Variants in FAM83H observed in about 807,000 individuals in gnomAD.
FAM83H encodes protein FAM83H.
Under a neutral mutation model 30.2 loss-of-function variants are expected in FAM83H, and 24 were observed. The ratio of observed to expected loss-of-function variants is 0.79; its 90% CI spans 0.57 to 1.12. FAM83H has a LOEUF of 1.12. FAM83H is among the 50% of genes most tolerant of loss of function. The pLI is 0.00. For missense variants in FAM83H, 2,038 were observed against 1,773.9 expected, an observed-to-expected ratio of 1.15 and a Z score of -2.67; for synonymous variants, 1,013 against 821.7, an observed-to-expected ratio of 1.23 and a Z score of -3.98.
intron 1 of FAM83H, chr8:143,731,375 C>G (rs1818515784): frequency 1.0e-6 from 1 of 985,228 alleles, no homozygotes; most frequent in African/African-American, 1.7e-5. Flanking sequence ...GACACCACGC[C>G]TAGCCCAAGG....
chr8:143,726,722 A>G lies in FAM83H; in HGVS notation c.2739T>C (p.Gly913=), dbSNP rs537326894. The G allele has an allele frequency of 2.5e-6, 4 of 1,607,858 alleles. No homozygotes were observed. Among genetic ancestry groups the G allele is most frequent in the East Asian group, 4.5e-5 (2 of 44,754 alleles). The change falls in exon 5 of 5, where the codon GGT becomes GGC. Residue 913 remains glycine, a synonymous_variant. Coordinates refer to ENST00000388913, the MANE Select transcript of FAM83H (RefSeq NM_198488.5). ...SPTSAYPERR[G]SPVPPVPERR... Reference sequence around the variant, plus strand: ...GCTCCGGCACGGGGGGCACCGGACTACCCCTGCGCTCGGGGTAGGCTGAGG... The same window carrying G: ...GCTCCGGCACGGGGGGCACCGGACTGCCCCTGCGCTCGGGGTAGGCTGAGG...
chr8:143,726,260 G>C lies in FAM83H; in HGVS notation c.3201C>G (p.Asn1067Lys). 1.2e-6 allele frequency: 2 copies of C among 1,612,296 alleles called. No homozygotes were observed. Among genetic ancestry groups the C allele is most frequent in the South Asian group, 1.1e-5 (1 of 91,038 alleles). The change falls in exon 5 of 5, where the codon AAC (asparagine) becomes AAG (lysine). Residue 1067 changes from asparagine (N) to lysine (K), a missense_variant. Physicochemically the swap from Asn to Lys is moderately conservative, Grantham distance 94. Coordinates refer to ENST00000388913, the MANE Select transcript of FAM83H (RefSeq NM_198488.5). ...VPAPSPGPTH[N>K]SPELGRPPAA... ...CCGGTGGACGGCCTAGCTCGGGGCT[G>C]TTGTGGGTCGGGCCGGGGCTCGGGG... is the stretch of plus-strand genomic sequence containing the variant.
In FAM83H at chr8:143,727,334, C is replaced by T. The variant is rs1554622500; in HGVS notation, c.2127G>A (p.Leu709=). ...AAAATEKVQL[L]HKEQTVSETL... is the part of the protein sequence containing the mutation. ...TCTCGCTGACCGTCTGCTCCTTGTG[C>T]AGCAGCTGCACCTTCTCAGTGGCCG... is the stretch of plus-strand genomic sequence containing the variant. The change falls in exon 5 of 5, where the codon CTG becomes CTA. Residue 709 remains leucine (L), a synonymous_variant. Coordinates refer to ENST00000388913, the MANE Select transcript of FAM83H (RefSeq NM_198488.5). 3.8e-6 allele frequency: 6 copies of T among 1,561,152 alleles called. No individual in the cohort carries two copies. Among genetic ancestry groups the T allele is most frequent in the Middle Eastern group, 1.7e-4 (1 of 5,856 alleles).
At chr8:143,730,008 C>A in intron 2 of FAM83H, 128 bp downstream of exon 2, 1 of 859,182 alleles carries the variant, frequency 1.2e-6, no homozygotes, top group Non-Finnish European at 1.7e-6. Flanking sequence ...AAGATCTTTG[C>A]CAGGGACCCC....
rs1554622705 is a variant in FAM83H, at chr8:143,727,607, GC to G, written c.1853del (p.Gly618AlafsTer55). 4 of 1,578,372 alleles carry G rather than the reference GC, an allele frequency of 2.5e-6. No individual in the cohort carries two copies. The highest frequency in any genetic ancestry group is 1.7e-6 in the Non-Finnish European group (2 of 1,169,278). On this transcript the variant is annotated frameshift_variant, in exon 5 of 5. Transcript: ENST00000388913. LOFTEE classifies it low-confidence loss of function (END_TRUNC). ...AYEDDVLAPGGRAPAGDLLPS... is the reference protein window; with the variant it reads ...AYEDDVLAPGXRAPAGDLLPS... ...GGAGCAGGTCGCCGGCAGGTGCCCG[GC>G]CCCCGGGAGCCAGCACGTCGTCTTC...
At position 143,727,738 on chromosome 8, in the gene FAM83H, G is replaced by T; in HGVS notation, c.1723C>A (p.Arg575=). 1 of 1,516,416 alleles carries T rather than the reference G, an allele frequency of 6.6e-7. No homozygotes were observed. Among genetic ancestry groups the T allele is most frequent in the East Asian group, 2.6e-5 (1 of 37,792 alleles). The allele number at this position is 1,516,416 out of a possible 1,614,324, so 93.9% of individuals were successfully genotyped here. Residue 575 remains arginine, a synonymous_variant, in exon 5 of 5, where the codon CGG becomes AGG. Transcript: ENST00000388913. The part of the protein sequence containing the change: ...EPERRGGPEG[R]AGLRRWRLAS... ...AAACGCCAGCGCCGCAGCCCTGCCC[G>T]CCCCTCGGGCCCGCCCCTGCGCTCC...
chr8:143,732,329 T>C (rs1368258973), intron 1 of FAM83H: 1 of 985,414 alleles, frequency 1.0e-6, no homozygotes, highest in Non-Finnish European at 1.2e-6. Context: ...ACCGCTCTGG[T>C]TGTGCCAGGG....
chr8:143,731,202 CTT>C, intron 1 of FAM83H: 1 of 246,092 alleles, frequency 4.1e-6, no homozygotes. Context: ...TCACTTTTTT[CTT>C]ATTTTAAGAC....
In FAM83H at chr8:143,725,738, G is replaced by C. The variant is rs782716214; in HGVS notation, c.*183C>G. 15 of 1,043,788 alleles carry C rather than the reference G, an allele frequency of 1.4e-5. No individual in the cohort carries two copies. Among genetic ancestry groups the C allele is most frequent in the Non-Finnish European group, 1.9e-5 (14 of 734,580 alleles). 64.7% of individuals were successfully genotyped at this position (1,043,788 alleles called of 1,614,324 possible). On this transcript the variant is annotated 3_prime_UTR_variant, in exon 5 of 5. Transcript: ENST00000388913. ...AGCGTTGGGGAGGCCAGGGGGCAGA[G>C]ACGGCAGCTGCCAGGTGAGCCTCCA...
At position 143,728,229 on chromosome 8, in the gene FAM83H, C is replaced by T; in HGVS notation, c.1232G>A (p.Ser411Asn). Reference sequence around the variant, plus strand: ...GGCGCCCGCGCCCTCGGTCGCGAAGCTGTGCCGCTTGAAGGCGTCCATCTC... The same window carrying T: ...GGCGCCCGCGCCCTCGGTCGCGAAGTTGTGCCGCTTGAAGGCGTCCATCTC... ...HLEMDAFKRH[S>N]FATEGAGAVE... Residue 411 changes from serine (S) to asparagine (N), a missense_variant, in exon 5 of 5, where the codon AGC becomes AAC. By Grantham distance (46) the Ser-to-Asn change is conservative. Transcript: ENST00000388913. The T allele has an allele frequency of 6.3e-7, 1 of 1,591,334 alleles. No homozygotes were observed. The highest frequency in any genetic ancestry group is 8.5e-7 in the Non-Finnish European group (1 of 1,174,254).
intron 1 of FAM83H, chr8:143,732,410 T>C (rs1554624743): frequency 4.1e-6 from 4 of 985,260 alleles, no homozygotes; most frequent in African/African-American, 1.7e-5. Context: ...CCACTCACCA[T>C]TGCCAGCCTG....
chr8:143,728,901 A>T, intron 4 of FAM83H, 66 bp downstream of exon 4: 1 of 1,610,620 alleles, frequency 6.2e-7, no homozygotes, highest in Non-Finnish European at 8.5e-7. Flanking sequence ...CCTGGTGTGG[A>T]AAGGGGGTGC....
At chr8:143,732,185 A>G in intron 1 of FAM83H, 1 of 985,410 alleles carries the variant, frequency 1.0e-6, no homozygotes, top group Non-Finnish European at 1.2e-6. Context: ...TGGGGGTGAC[A>G]TGGAGTTGAG....
At position 143,733,766 on chromosome 8, in the gene FAM83H, G is replaced by A. The variant is rs1336710923; in HGVS notation, c.-91C>T. On this transcript the variant is annotated 5_prime_UTR_variant, in exon 1 of 5. Transcript: ENST00000388913. This position sits in a 1 kb window ranked among gnomAD's most constrained non-coding sequence, Gnocchi z 5.6. ...GCCCAGCGGCCTCGCGGTCCGGTCGGTCCGGCAGCCACTCCCTGCCGCGGC... is the reference window on the plus strand; with the variant it reads ...GCCCAGCGGCCTCGCGGTCCGGTCGATCCGGCAGCCACTCCCTGCCGCGGC... 2 of 148,882 alleles carry A rather than the reference G, an allele frequency of 1.3e-5. No individual in the cohort carries two copies. Among genetic ancestry groups the A allele is most frequent in the Non-Finnish European group, 3.0e-5 (2 of 66,570 alleles). 9.2% of individuals were successfully genotyped at this position (148,882 alleles called of 1,614,324 possible). A position where few individuals can be genotyped will look rare whatever the true frequency, so the allele number is the denominator to read the frequency against.
Position 143,728,050 on chromosome 8 carries a change from C to T in FAM83H, c.1411G>A (p.Gly471Ser), listed in dbSNP as rs782114804. ...CCCCCGCGAAGCTTCTCGAACAGGC[C>T]TTGCGGGCGCGCCGGCGTGAGCTGC... is the stretch of plus-strand genomic sequence containing the variant. ...DPQLTPARPQGLFEKLRGGRA... is the reference protein window; with the variant it reads ...DPQLTPARPQSLFEKLRGGRA... Residue 471 changes from glycine to serine, a missense_variant, in exon 5 of 5, where the codon GGC (glycine) becomes AGC (serine). Coordinates refer to ENST00000388913, the MANE Select transcript of FAM83H (RefSeq NM_198488.5). The T allele has an allele frequency of 5.7e-5, 91 of 1,609,506 alleles. 2 individuals are homozygous for T. The highest frequency in any genetic ancestry group is 1.4e-5 in the Non-Finnish European group (17 of 1,179,294).
intron 1 of FAM83H, chr8:143,731,241 A>G (rs1319174153): frequency 1.6e-6 from 1 of 618,084 alleles, no homozygotes; most frequent in Non-Finnish European, 2.0e-6. Context: ...CACTGTGCCT[A>G]CTGGACAAGC....
chr8:143,727,357 C>T lies in FAM83H; in HGVS notation c.2104G>A (p.Ala702Thr). The change falls in exon 5 of 5, where the codon GCC (alanine) becomes ACC (threonine). Residue 702 changes from alanine (A) to threonine (T), a missense_variant. By Grantham distance (58) the Ala-to-Thr change is moderately conservative. Transcript: ENST00000388913. ...TGCAGCAGCTGCACCTTCTCAGTGG[C>T]CGCCGCAGCCCCGGCCGCGCCCTCG... ...QAEGAAGAAA[A>T]TEKVQLLHKE... is the part of the protein sequence containing the mutation. The T allele has an allele frequency of 6.4e-7, 1 of 1,568,306 alleles. No homozygotes were observed. The highest frequency in any genetic ancestry group is 8.6e-7 in the Non-Finnish European group (1 of 1,165,302).
rs782263850 is a variant in FAM83H, at chr8:143,728,182, G to C, written c.1279C>G (p.Arg427Gly). Residue 427 changes from arginine to glycine, a missense_variant, in exon 5 of 5, where the codon CGG becomes GGG. By Grantham distance (125) the Arg-to-Gly change is moderately radical. Transcript: ENST00000388913. ...AGAVENFAAARQVSRQTFLSH... is the reference protein window; with the variant it reads ...AGAVENFAAAGQVSRQTFLSH... The stretch of plus-strand genomic sequence containing the variant: ...AGGAACGTCTGCCGCGACACCTGCC[G>C]CGCGGCCGCGAAGTTCTCCACGGCG... 1.9e-6 allele frequency: 3 copies of C among 1,605,804 alleles called. No homozygotes were observed. Among genetic ancestry groups the C allele is most frequent in the Non-Finnish European group, 2.5e-6 (3 of 1,178,676 alleles).
At chr8:143,730,829 C>G (rs893422904) in intron 1 of FAM83H, among the ~76,000 whole-genome samples, 2 of 152,158 alleles carry the variant, frequency 1.3e-5, no homozygotes, top group African/African-American at 2.4e-5. Flanking sequence ...CACAGGTATC[C>G]CAGCCCTGTC....
Sources: allele counts gnomAD v4.1 joint callset (sites outside exome capture counted in the v4.1 genomes callset), GRCh38; gene constraint gnomAD v4.1.1; non-coding constraint Gnocchi (gnomAD v3.1); transcripts MANE v1.5; gene names NCBI Gene and HGNC (gene_info 2026-07-23, HGNC 2026-07-21).